The following PICALM variants were observed in gnomAD, a reference collection of about 807,000 sequenced individuals.
PICALM encodes phosphatidylinositol binding clathrin assembly protein.
PICALM carries 40 observed loss-of-function variants against 80.5 expected under a neutral mutation model. The ratio of observed to expected loss-of-function variants is 0.50; its 90% CI spans 0.39 to 0.65. The LOEUF (loss-of-function observed/expected upper bound fraction) is 0.65. Among genes scored for constraint, PICALM ranks in the 30% least tolerant of loss-of-function variants. The pLI is 0.00. For missense variants in PICALM, 676 were observed against 778.9 expected (o/e 0.87, Z 1.57); for synonymous variants, 288 against 260.3 (o/e 1.11, Z -1.02).
intron 12 of PICALM, 150 bp from the exon 13 acceptor site, chr11:85,990,549 T>G (rs2094735322): frequency 2.4e-6 from 1 of 411,506 alleles, no homozygotes; most frequent in Non-Finnish European, 4.2e-6. Context: ...AAAAAATACC[T>G]AATCATCAAG....
intron 1 of PICALM, among the ~76,000 whole-genome samples, chr11:86,044,779 A>T (rs2137141419): frequency 6.6e-6 from 1 of 152,308 alleles, no homozygotes; most frequent in South Asian, 2.1e-4. Flanking sequence ...TTCTCATAGG[A>T]GCGCGACCCC....
chr11:86,041,932 G>C (rs986006234), intron 1 of PICALM, among the ~76,000 whole-genome samples: 3 of 152,142 alleles, frequency 2.0e-5, no homozygotes, highest in Non-Finnish European at 4.4e-5. Flanking sequence ...CCACTGACTT[G>C]TATTTTCAAA....
chr11:85,993,860 T>C lies in PICALM; in HGVS notation c.1258+2966A>G, dbSNP rs1039080866. Among the ~76,000 whole-genome samples the C allele has an allele frequency of 4.6e-5, 7 of 152,020 alleles. No homozygotes were observed. In the East Asian group the frequency reaches 1.3e-3, roughly 29 times the overall value. ...CTTTAAGTCCTAAACAACTGATACC[T>C]ACATTCACACACACTAAACTGATTT... On this transcript the variant is annotated intron_variant, in intron 12 of 19. Coordinates refer to ENST00000393346, the MANE Select transcript of PICALM (RefSeq NM_007166.4).
rs1192277966 is a variant in PICALM, at chr11:86,001,029, A to G, written c.1017+6T>C. ...TTTTCGAAATAAGGAGAATGCACAA[A>G]CTTACCTTTAAAGCTTTCAAACGTG... On this transcript the variant is annotated splice_donor_region_variant and intron_variant, in intron 10 of 19. Transcript: ENST00000393346. 1 of 1,613,776 alleles carries G rather than the reference A, an allele frequency of 6.2e-7. No individual in the cohort carries two copies. Among genetic ancestry groups the G allele is most frequent in the Non-Finnish European group, 8.5e-7 (1 of 1,179,884 alleles).
chr11:86,061,274 T>A (rs2096358266), intron 1 of PICALM, among the ~76,000 whole-genome samples: 2 of 130,352 alleles, frequency 1.5e-5, no homozygotes, highest in African/African-American at 3.0e-5. Context: ...GAGCTTACAG[T>A]GAGATGAGAT....
intron 9 of PICALM, among the ~76,000 whole-genome samples, chr11:86,002,399 G>A (rs1018587403): frequency 6.6e-6 from 1 of 152,062 alleles, no homozygotes; most frequent in Admixed American, 6.6e-5. Context: ...TCTTCATGCT[G>A]TTTTAAAAAA....
intron 11 of PICALM, among the ~76,000 whole-genome samples, 197 bp downstream of exon 11, chr11:86,000,446 C>T (rs1348975686): frequency 6.6e-6 from 1 of 152,164 alleles, no homozygotes; most frequent in East Asian, 1.9e-4. Context: ...TAACTATCTT[C>T]CATTTCGTAA....
chr11:86,046,837 T>C (rs2096079277), intron 1 of PICALM, among the ~76,000 whole-genome samples: 1 of 152,196 alleles, frequency 6.6e-6, no homozygotes, highest in African/African-American at 2.4e-5. Flanking sequence ...AAGGTCTCAC[T>C]ATGTTGCCCA....
At chr11:86,029,121 G>C (rs1462783511) in intron 2 of PICALM, among the ~76,000 whole-genome samples, 1 of 152,086 alleles carries the variant, frequency 6.6e-6, no homozygotes, top group Non-Finnish European at 1.5e-5. Flanking sequence ...TTACAGGTGT[G>C]AGCTACCTCA....
At chr11:86,020,999 A>G (rs1294389767) in intron 4 of PICALM, among the ~76,000 whole-genome samples, 2 of 152,216 alleles carry the variant, frequency 1.3e-5, no homozygotes, top group African/African-American at 4.8e-5. Flanking sequence ...TGCCCAGAAC[A>G]TATTTTTTAA....
chr11:86,069,448 A>T (rs1367095610), upstream of PICALM: 1 of 152,628 alleles, frequency 6.6e-6, no homozygotes, highest in African/African-American at 2.4e-5. Flanking sequence ...TTCTCCCCTT[A>T]TCCCCCCACC....
intron 14 of PICALM, among the ~76,000 whole-genome samples, chr11:85,982,358 T>A (rs1250636946): frequency 6.6e-6 from 1 of 150,998 alleles, no homozygotes; most frequent in Non-Finnish European, 1.5e-5. Flanking sequence ...CAATATAGGT[T>A]AAAAAATAGC....
chr11:86,042,775 G>A (rs1022793447), intron 1 of PICALM, among the ~76,000 whole-genome samples: 4 of 151,976 alleles, frequency 2.6e-5, no homozygotes, highest in African/African-American at 7.2e-5. Flanking sequence ...CACCAATGCT[G>A]TGAACCCAAG....
chr11:85,973,265 C>T (rs924222411), intron 19 of PICALM, among the ~76,000 whole-genome samples: 6 of 152,150 alleles, frequency 3.9e-5, no homozygotes, highest in African/African-American at 7.2e-5. Context: ...TATTAAGAGA[C>T]GCATTATTCA....
chr11:86,049,767 C>A (rs557526652), intron 1 of PICALM, among the ~76,000 whole-genome samples: 1 of 151,320 alleles, frequency 6.6e-6, no homozygotes, highest in South Asian at 2.1e-4. Flanking sequence ...TGCTACCTTC[C>A]AAAATTCTGC....
chr11:86,040,027 A>AG (rs1194704541), intron 1 of PICALM, among the ~76,000 whole-genome samples: 3 of 150,434 alleles, frequency 2.0e-5, no homozygotes, highest in Non-Finnish European at 4.4e-5. Context: ...AAAAAAAAAA[A>AG]GGCAACAAAA....
At chr11:86,061,345 A>AG (rs889547337) in intron 1 of PICALM, among the ~76,000 whole-genome samples, 6 of 150,400 alleles carry the variant, frequency 4.0e-5, no homozygotes, top group Non-Finnish European at 7.4e-5. Flanking sequence ...AAAAAAAAAA[A>AG]AAAAAAAAAA....
chr11:86,012,951 T>C (rs185671900), intron 5 of PICALM, among the ~76,000 whole-genome samples: 1 of 152,104 alleles, frequency 6.6e-6, no homozygotes, highest in East Asian at 1.9e-4. Flanking sequence ...AATAATCAAA[T>C]CAAATTACTA....
At chr11:86,043,656 T>C (rs1195732257) in intron 1 of PICALM, among the ~76,000 whole-genome samples, 2 of 152,190 alleles carry the variant, frequency 1.3e-5, no homozygotes, top group Non-Finnish European at 2.9e-5. Context: ...TATGACAGCA[T>C]AAATATTTGT....
Sources: gnomAD v4.1 joint callset for allele counts (sites outside exome capture counted in the v4.1 genomes callset) on GRCh38, gnomAD v4.1.1 for gene constraint, MANE v1.5 for transcripts, NCBI Gene and HGNC (gene_info 2026-07-23, HGNC 2026-07-21) for gene names.